Variants in MYO5A observed in about 807,000 individuals in gnomAD.
MYO5A encodes the protein unconventional myosin-Va.
MYO5A carries 98 observed loss-of-function variants against 249.7 expected under a neutral mutation model. That is an observed-to-expected ratio of 0.39 (90% CI 0.33 to 0.46). The LOEUF is 0.46. Among genes scored for constraint, MYO5A ranks in the 20% least tolerant of loss-of-function variants. The pLI is 0.98. For synonymous variants in MYO5A, 778 were observed against 810.6 expected (o/e 0.96, Z 0.68); for missense variants, 1,696 against 2,308.8 (o/e 0.73, Z 5.44).
intron 11 of MYO5A, among the ~76,000 whole-genome samples, chr15:52,393,168 C>T (rs1187249842): frequency 6.6e-6 from 1 of 152,162 alleles, no homozygotes; most frequent in East Asian, 1.9e-4. Context: ...CTTTACTTAT[C>T]TCTTTTGTCT....
At chr15:52,422,890 T>C (rs2075310519) in intron 4 of MYO5A, among the ~76,000 whole-genome samples, 1 of 152,070 alleles carries the variant, frequency 6.6e-6, no homozygotes, top group Non-Finnish European at 1.5e-5. Flanking sequence ...CTAGTTTTTG[T>C]ATTTTGTTTG....
chr15:52,430,073 C>T (rs1272343328), intron 2 of MYO5A, among the ~76,000 whole-genome samples: 1 of 152,138 alleles, frequency 6.6e-6, no homozygotes, highest in African/African-American at 2.4e-5. Context: ...TATGGTAATA[C>T]TAAAAATATA....
chr15:52,441,550 G>A (rs1567130176), intron 1 of MYO5A, among the ~76,000 whole-genome samples: 1 of 152,190 alleles, frequency 6.6e-6, no homozygotes, highest in East Asian at 1.9e-4. Context: ...CCCTGAACAA[G>A]CCATGCTGTT....
chr15:52,318,031 C>G (rs188335577), intron 39 of MYO5A, among the ~76,000 whole-genome samples: 1 of 152,214 alleles, frequency 6.6e-6, no homozygotes, highest in South Asian at 2.1e-4. Context: ...AAATTCACTA[C>G]ACTTCAATGT....
At chr15:52,486,112 G>A (rs541669593) in intron 1 of MYO5A, among the ~76,000 whole-genome samples, 4 of 151,938 alleles carry the variant, frequency 2.6e-5, no homozygotes, top group Non-Finnish European at 5.9e-5. Context: ...AATTCAACAC[G>A]TATTTACCAA....
chr15:52,483,236 T>C (rs2076750426), intron 1 of MYO5A, among the ~76,000 whole-genome samples: 1 of 152,230 alleles, frequency 6.6e-6, no homozygotes, highest in Non-Finnish European at 1.5e-5. Flanking sequence ...CTGTTTAGAC[T>C]GCCCTTTTGA....
chr15:52,340,172 T>A, intron 32 of MYO5A, 24 bp downstream of exon 32: 1 of 1,613,518 alleles, frequency 6.2e-7, no homozygotes, highest in Non-Finnish European at 8.5e-7. Context: ...TTAAGAAGCA[T>A]GTGGACCCGG....
chr15:52,317,584 A>G (rs2038085248), intron 39 of MYO5A, among the ~76,000 whole-genome samples: 1 of 152,226 alleles, frequency 6.6e-6, no homozygotes, highest in South Asian at 2.1e-4. Context: ...ACAATTTCAG[A>G]GCTGGGTTGC....
In MYO5A at chr15:52,433,288, A is replaced by G. The variant is rs1469010496; in HGVS notation, c.28-3T>C. On this transcript the variant is annotated splice_polypyrimidine_tract_variant and splice_region_variant and intron_variant, in intron 1 of 41. Coordinates refer to ENST00000399233, the MANE Select transcript of MYO5A (RefSeq NM_001382347.1). The stretch of plus-strand genomic sequence containing the variant: ...TCAGGTATCCAAACCCTGGCAAACT[A>G]GAAGACAAAAAGAAAAAAATTTAAA... 1 of 1,604,258 alleles carries G rather than the reference A, an allele frequency of 6.2e-7. No homozygotes were observed. The highest frequency in any genetic ancestry group is 1.1e-5 in the South Asian group (1 of 90,856).
chr15:52,347,265 AATGGAACATAGTTCCACAC>A (rs1223038909), intron 29 of MYO5A, among the ~76,000 whole-genome samples: 1 of 152,196 alleles, frequency 6.6e-6, no homozygotes, highest in South Asian at 2.1e-4. Context: ...GGCAAACCAC[AATGGAACATAGTTCCACAC>A]ATGGAACTAT....
In MYO5A at chr15:52,364,551, C is replaced by T; in HGVS notation, c.3309+3G>A. ...AAAAAAAAAACAAAAGTGTTTGACT[C>T]ACCACCATAAGGGTCATCTCTTCCT... On this transcript the variant is annotated splice_donor_region_variant and intron_variant, in intron 24 of 41. Transcript: ENST00000399233. 6.2e-7 allele frequency: 1 copy of T among 1,609,564 alleles called. No homozygotes were observed. The highest frequency in any genetic ancestry group is 8.5e-7 in the Non-Finnish European group (1 of 1,178,664).
intron 30 of MYO5A, 50 bp from the exon 31 acceptor site, chr15:52,343,247 C>T (rs2039463522): frequency 6.8e-7 from 1 of 1,471,922 alleles, no homozygotes. Flanking sequence ...ATACAGGATG[C>T]TGATGAGGTG....
chr15:52,482,441 C>G (rs2076734003), intron 1 of MYO5A, among the ~76,000 whole-genome samples: 1 of 152,196 alleles, frequency 6.6e-6, no homozygotes, highest in Non-Finnish European at 1.5e-5. Flanking sequence ...GATCCATACT[C>G]TAACAACTCC....
chr15:52,499,401 G>T (rs1408560451), intron 1 of MYO5A, among the ~76,000 whole-genome samples: 2 of 151,952 alleles, frequency 1.3e-5, no homozygotes, highest in African/African-American at 4.8e-5. Flanking sequence ...AAATACATTT[G>T]CTTTGTTGTG....
intron 1 of MYO5A, among the ~76,000 whole-genome samples, chr15:52,492,137 GA>G (rs2076947362): frequency 1.3e-5 from 2 of 152,142 alleles, no homozygotes; most frequent in Admixed American, 1.3e-4. Flanking sequence ...TAGATATATA[GA>G]TTTTTTTAAG....
At chr15:52,408,634 A>G (rs2043113625) in intron 6 of MYO5A, among the ~76,000 whole-genome samples, 1 of 152,354 alleles carries the variant, frequency 6.6e-6, no homozygotes, top group South Asian at 2.1e-4. Context: ...TACATTTTAA[A>G]TCAATAACTG....
Position 52,393,525 on chromosome 15 carries a change from C to T in MYO5A, c.1402-1455G>A, listed in dbSNP as rs572426179. ...TCTCCTGATTCAGCCTCCTGAGTAG[C>T]TGGGACTACAGGCGTGTGCCACCAT... On this transcript the variant is annotated intron_variant, in intron 11 of 41. Transcript: ENST00000399233. Among the ~76,000 whole-genome samples, 15 of 152,230 alleles carry T rather than the reference C, an allele frequency of 9.9e-5. 2 individuals carry two copies. In the South Asian group the frequency reaches 2.3e-3, roughly 23 times the overall value.
chr15:52,359,281 G>A (rs2040402310), intron 25 of MYO5A, among the ~76,000 whole-genome samples: 1 of 152,142 alleles, frequency 6.6e-6, no homozygotes, highest in African/African-American at 2.4e-5. Flanking sequence ...TAGGACAGTT[G>A]TGCCTGAATT....
At chr15:52,317,925 G>C (rs2038103723) in intron 39 of MYO5A, among the ~76,000 whole-genome samples, 1 of 152,138 alleles carries the variant, frequency 6.6e-6, no homozygotes, top group South Asian at 2.1e-4. Flanking sequence ...GGCAAATAGG[G>C]GCCAGCATAA....
Sources: allele counts gnomAD v4.1 joint callset (sites outside exome capture counted in the v4.1 genomes callset), GRCh38; gene constraint gnomAD v4.1.1; transcripts MANE v1.5; gene names NCBI Gene and HGNC (gene_info 2026-07-23, HGNC 2026-07-21).